The following CYTIP variants were observed in gnomAD, a reference collection of about 807,000 sequenced individuals.
CYTIP encodes cytohesin 1 interacting protein, also known as cytohesin-interacting protein.
A neutral mutation model predicts 43.8 loss-of-function variants in CYTIP; 26 were observed. The observed-to-expected ratio is 0.59, with a 90% CI of 0.44 to 0.82. The LOEUF is 0.82. CYTIP is among the 40% of genes least tolerant of loss of function. The pLI is 0.00. For synonymous variants in CYTIP, 162 were observed against 162.9 expected (o/e 0.99, Z 0.04); for missense variants, 426 against 443.1 (o/e 0.96, Z 0.35).
In CYTIP at chr2:157,414,932, G is replaced by C. The variant is rs1418945058; in HGVS notation, c.*745C>G. 1.3e-5 allele frequency: 2 copies of C among 152,200 alleles called. No homozygotes were observed. Among genetic ancestry groups the C allele is most frequent in the Non-Finnish European group, 2.9e-5 (2 of 68,030 alleles). 9.4% of individuals were successfully genotyped at this position (152,200 alleles called of 1,614,324 possible). A position where few individuals can be genotyped will look rare whatever the true frequency, so the allele number is the denominator to read the frequency against. The stretch of plus-strand genomic sequence containing the variant: ...GTAGAAAAAAAATTACAAAGCTGTA[G>C]GATTCGGAGAGTTCTAGACTTGCCA... On this transcript the variant is annotated 3_prime_UTR_variant, in exon 8 of 8. Transcript: ENST00000264192.
At chr2:157,420,402 G>A (rs949047106) in intron 6 of CYTIP, among the ~76,000 whole-genome samples, 5 of 152,108 alleles carry the variant, frequency 3.3e-5, no homozygotes, top group African/African-American at 1.2e-4. Context: ...TGTAATCTCA[G>A]GTACTCGGGA....
chr2:157,432,812 C>T (rs1049029518), intron 3 of CYTIP, among the ~76,000 whole-genome samples: 2 of 152,120 alleles, frequency 1.3e-5, no homozygotes, highest in African/African-American at 4.8e-5. Context: ...TATTTGTTAA[C>T]TGCTGCAAAT....
At chr2:157,437,161 A>C (rs1685822922) in intron 1 of CYTIP, among the ~76,000 whole-genome samples, 1 of 152,132 alleles carries the variant, frequency 6.6e-6, no homozygotes, top group South Asian at 2.1e-4. Flanking sequence ...ATTGGGAAAA[A>C]ATTTTATGAA....
intron 1 of CYTIP, among the ~76,000 whole-genome samples, chr2:157,440,764 G>C (rs564620232): frequency 6.6e-6 from 1 of 152,194 alleles, no homozygotes; most frequent in South Asian, 2.1e-4. Context: ...TTGTGGACTT[G>C]TTTGTCAGGT....
Position 157,416,071 on chromosome 2 carries a change from C to T in CYTIP, c.686G>A (p.Gly229Glu). The change falls in exon 8 of 8, where the codon GGG becomes GAG. Residue 229 changes from glycine to glutamate, a missense_variant. By Grantham distance (98) the Gly-to-Glu change is moderately conservative (BLOSUM62 -2). Transcript: ENST00000264192. ...DELSLFGPLP[G>E]PGPALVDRNR... ...CCGGTCCACAAGGGCTGGGCCTGGCCCAGGCAGGGGTCCAAACAAAGACAA... is the reference window on the plus strand; with the variant it reads ...CCGGTCCACAAGGGCTGGGCCTGGCTCAGGCAGGGGTCCAAACAAAGACAA... The T allele has an allele frequency of 6.2e-7, 1 of 1,614,122 alleles. No homozygotes were observed. The highest frequency in any genetic ancestry group is 8.5e-7 in the Non-Finnish European group (1 of 1,180,014).
chr2:157,433,193 T>C (rs1036169127), intron 3 of CYTIP, among the ~76,000 whole-genome samples: 1 of 152,166 alleles, frequency 6.6e-6, no homozygotes, highest in Non-Finnish European at 1.5e-5. Context: ...CAAAAAGCAG[T>C]GTCTCTACAA....
chr2:157,430,194 T>C (rs1203287182), intron 5 of CYTIP, among the ~76,000 whole-genome samples: 1 of 152,120 alleles, frequency 6.6e-6, no homozygotes, highest in Non-Finnish European at 1.5e-5. Flanking sequence ...TTCTGACCTT[T>C]GATTTGTTTT....
At chr2:157,417,900 T>C (rs1685461440) in intron 7 of CYTIP, among the ~76,000 whole-genome samples, 1 of 152,224 alleles carries the variant, frequency 6.6e-6, no homozygotes, top group Admixed American at 6.5e-5. Flanking sequence ...GAATTATTTG[T>C]ACACAAAAGT....
intron 5 of CYTIP, 127 bp from the exon 6 acceptor site, chr2:157,427,547 ATGTTAC>A (rs909941691): frequency 7.1e-5 from 39 of 547,400 alleles, no homozygotes; most frequent in Non-Finnish European, 8.8e-5. Context: ...CGAAATACAA[ATGTTAC>A]AGTTCTCATG....
chr2:157,418,628 T>G (rs1685476307), intron 6 of CYTIP, 39 bp from the exon 7 acceptor site: 1 of 1,513,104 alleles, frequency 6.6e-7, no homozygotes, highest in Admixed American at 2.1e-5. Flanking sequence ...TTTTTATTAT[T>G]AGGAAACCCC....
intron 1 of CYTIP, among the ~76,000 whole-genome samples, chr2:157,439,799 G>T (rs187718544): frequency 6.6e-6 from 1 of 152,198 alleles, no homozygotes; most frequent in African/African-American, 2.4e-5. Context: ...TTGGGCTTAT[G>T]ATCACTCTTC....
chr2:157,430,534 C>A, intron 5 of CYTIP, 25 bp downstream of exon 5: 1 of 1,598,098 alleles, frequency 6.3e-7, no homozygotes, highest in Non-Finnish European at 8.6e-7. Flanking sequence ...TTTTGAAGCC[C>A]CACGGGAACT....
At chr2:157,431,987 G>A (rs1685720292) in intron 3 of CYTIP, among the ~76,000 whole-genome samples, 1 of 152,154 alleles carries the variant, frequency 6.6e-6, no homozygotes, top group Non-Finnish European at 1.5e-5. Context: ...AAAGGTAGAA[G>A]GGACTTTAAA....
intron 1 of CYTIP, among the ~76,000 whole-genome samples, chr2:157,438,019 C>G (rs1685840737): frequency 6.6e-6 from 1 of 152,186 alleles, no homozygotes; most frequent in African/African-American, 2.4e-5. Flanking sequence ...AATCCCACTA[C>G]TGGGAATTCA....
At chr2:157,421,426 G>A (rs1685520566) in intron 6 of CYTIP, among the ~76,000 whole-genome samples, 1 of 152,172 alleles carries the variant, frequency 6.6e-6, no homozygotes, top group African/African-American at 2.4e-5. Flanking sequence ...TGGCACTTTA[G>A]TACTTCAATT....
In CYTIP at chr2:157,430,573, G is replaced by A. The variant is rs769643425; in HGVS notation, c.462C>T (p.Ser154=). The A allele has an allele frequency of 1.4e-5, 22 of 1,613,930 alleles. No homozygotes were observed. The highest frequency in any genetic ancestry group is 4.5e-5 in the East Asian group (2 of 44,890). Residue 154 remains serine, a synonymous_variant, in exon 5 of 8, where the codon TCC becomes TCT. Transcript: ENST00000264192. ...CAGATAGTTACGTTAGCAGGTTTCC[G>A]GACGATCTGATCAGGTCAACGACTT... ...YKQVVDLIRS[S]GNLLTIETLN...
intron 1 of CYTIP, among the ~76,000 whole-genome samples, chr2:157,438,376 G>A (rs1312722802): frequency 6.6e-6 from 1 of 152,126 alleles, no homozygotes; most frequent in African/African-American, 2.4e-5. Context: ...GGCTGGGAAG[G>A]GTTGGGGGAA....
chr2:157,434,607 G>A (rs976165032), intron 2 of CYTIP, 91 bp downstream of exon 2: 1 of 980,862 alleles, frequency 1.0e-6, no homozygotes. Context: ...GAGAGAGAGA[G>A]AGAGAGAGAG....
At chr2:157,436,816 T>C (rs567809824) in intron 1 of CYTIP, among the ~76,000 whole-genome samples, 3 of 152,106 alleles carry the variant, frequency 2.0e-5, no homozygotes, top group South Asian at 2.1e-4. Flanking sequence ...ACTGAGATGG[T>C]TGAAGAGCCA....
Sources: gnomAD v4.1 joint callset for allele counts (sites outside exome capture counted in the v4.1 genomes callset) on GRCh38, gnomAD v4.1.1 for gene constraint, MANE v1.5 for transcripts, NCBI Gene and HGNC (gene_info 2026-07-23, HGNC 2026-07-21) for gene names.